The following LARP4B variants were observed in gnomAD, a reference collection of about 807,000 sequenced individuals.
The protein encoded by LARP4B is la-related protein 4B.
Under a neutral mutation model 89.8 loss-of-function variants are expected in LARP4B, and 12 were observed. The observed-to-expected ratio is 0.13, with a 90% CI of 0.09 to 0.22. LARP4B has a LOEUF of 0.22. LARP4B is among the 10% of genes least tolerant of loss of function. The probability of loss-of-function intolerance (pLI) is 1.00; values close to 1 mark genes in which losing one functional copy is unlikely to be tolerated. For synonymous variants in LARP4B, 367 were observed against 363.3 expected, an observed-to-expected ratio of 1.01 and a Z score of -0.12; for missense variants, 757 against 947.7, an observed-to-expected ratio of 0.80 and a Z score of 2.64.
At chr10:910,714 T>C (rs759085300) in intron 1 of LARP4B, among the ~76,000 whole-genome samples, 2 of 152,164 alleles carry the variant, frequency 1.3e-5, no homozygotes, top group Non-Finnish European at 2.9e-5. Flanking sequence ...TGGCAGAGGT[T>C]TGGGATAAAG....
At chr10:927,337 T>G (rs1436884625) in intron 1 of LARP4B, among the ~76,000 whole-genome samples, 1 of 152,176 alleles carries the variant, frequency 6.6e-6, no homozygotes, top group Non-Finnish European at 1.5e-5. Flanking sequence ...GTTAATAATT[T>G]TCCTTGTTCC....
chr10:855,262 T>G (rs117647170), intron 5 of LARP4B, among the ~76,000 whole-genome samples: 3,254 of 152,334 alleles, frequency 0.021, 66 homozygotes, highest in Admixed American at 0.061. Flanking sequence ...TCCTTTGCAT[T>G]TACAGCTTGG....
Position 822,188 on chromosome 10 carries a change from T to A in LARP4B, c.1485-1343A>T, listed in dbSNP as rs1476365473. Among the ~76,000 whole-genome samples the A allele has an allele frequency of 6.6e-6, 1 of 152,234 alleles. No homozygotes were observed. Among genetic ancestry groups the A allele is most frequent in the East Asian group, 1.9e-4 (1 of 5,202 alleles). On this transcript the variant is annotated intron_variant, in intron 13 of 17. Coordinates refer to ENST00000316157, the MANE Select transcript of LARP4B (RefSeq NM_015155.3). This position sits in a 1 kb window ranked among gnomAD's most constrained non-coding sequence, Gnocchi z 4.6. ...AATGACCCATGAGCAGAGCTAGGGA[T>A]GCAACCAGATGAGAGTCTTCAGTGG... is the stretch of plus-strand genomic sequence containing the variant.
At chr10:979,734 G>A in the LARP4B span, among the ~76,000 whole-genome samples, 3 of 152,184 alleles carry the variant, frequency 2.0e-5, no homozygotes, top group Non-Finnish European at 4.4e-5. Flanking sequence ...CACTTTGGGA[G>A]GCTGAGGTGG....
At position 908,862 on chromosome 10, in the gene LARP4B, G is replaced by T. The variant is rs184243535; in HGVS notation, c.-40+22566C>A. Among the ~76,000 whole-genome samples the T allele has an allele frequency of 2.7e-5, 4 of 147,486 alleles. No homozygotes were observed. The East Asian group carries it at 7.7e-4, about 28-fold the overall frequency. ...GTCAAGGAGTGCAGGCTGCAGCACG[G>T]GGGGGGCCTCCCTTGCCAGGTGGTG... On this transcript the variant is annotated intron_variant, in intron 1 of 17. Transcript: ENST00000316157.
intron 5 of LARP4B, among the ~76,000 whole-genome samples, chr10:852,622 T>C (rs992921863): frequency 6.6e-6 from 1 of 152,180 alleles, no homozygotes; most frequent in African/African-American, 2.4e-5. Flanking sequence ...CTGGAGGGCC[T>C]ATCTAGTACA....
the LARP4B span, among the ~76,000 whole-genome samples, chr10:947,404 T>C: frequency 6.6e-6 from 1 of 152,066 alleles, no homozygotes; most frequent in South Asian, 2.1e-4. Context: ...CCACATATTC[T>C]GAGGCCATCA....
chr10:862,256 T>TAAAAAAAAAAAAA (rs10661482), intron 5 of LARP4B, among the ~76,000 whole-genome samples: 7 of 84,396 alleles, frequency 8.3e-5, no homozygotes, highest in African/African-American at 3.6e-4. Flanking sequence ...CCACTGAAGT[T>TAAAAAAAAAAAAA]AAAAAAAAAA....
At chr10:909,396 A>G (rs1446665648) in intron 1 of LARP4B, among the ~76,000 whole-genome samples, 1 of 152,008 alleles carries the variant, frequency 6.6e-6, no homozygotes. Flanking sequence ...TAGGCATTAC[A>G]CCTGCAGACC....
At chr10:948,970 A>C in the LARP4B span, among the ~76,000 whole-genome samples, 106 of 152,364 alleles carry the variant, frequency 7.0e-4, 2 homozygotes, top group Middle Eastern at 0.017. Context: ...GCTGTGTACC[A>C]GTTGTCATGT....
chr10:944,056 CA>C, the LARP4B span, among the ~76,000 whole-genome samples: 4 of 152,104 alleles, frequency 2.6e-5, no homozygotes, highest in Non-Finnish European at 5.9e-5. Context: ...AGAAATGAAC[CA>C]AAGACACCTT....
At chr10:927,596 C>A (rs1382666182) in intron 1 of LARP4B, among the ~76,000 whole-genome samples, 1 of 152,210 alleles carries the variant, frequency 6.6e-6, no homozygotes, top group Non-Finnish European at 1.5e-5. Flanking sequence ...GGTTAACTCT[C>A]TGAGTGCCTC....
chr10:853,117 G>A (rs1834137429), intron 5 of LARP4B, among the ~76,000 whole-genome samples: 1 of 152,096 alleles, frequency 6.6e-6, no homozygotes, highest in South Asian at 2.1e-4. Context: ...AAATACACAG[G>A]AACTGGAATT....
intron 3 of LARP4B, among the ~76,000 whole-genome samples, chr10:881,865 C>T (rs541572232): frequency 4.7e-4 from 72 of 152,328 alleles, no homozygotes; most frequent in African/African-American, 1.6e-3. Flanking sequence ...GTGTATCTCA[C>T]GCTCATCTGA....
At chr10:869,832 T>TGGA (rs779473936) in intron 3 of LARP4B, among the ~76,000 whole-genome samples, 161 of 150,904 alleles carry the variant, frequency 1.1e-3, no homozygotes, top group Non-Finnish European at 1.8e-3. Flanking sequence ...ACTTGGGAGG[T>TGGA]GGAGGTTGCA....
chr10:861,279 T>C (rs557169971), intron 5 of LARP4B, among the ~76,000 whole-genome samples: 1 of 152,184 alleles, frequency 6.6e-6, no homozygotes, highest in Non-Finnish European at 1.5e-5. Context: ...GAACAACTTA[T>C]CAAACTGGGT....
intron 5 of LARP4B, among the ~76,000 whole-genome samples, chr10:846,227 G>C (rs1175717091): frequency 1.3e-5 from 2 of 152,232 alleles, no homozygotes; most frequent in African/African-American, 4.8e-5. Context: ...CACTACTGCA[G>C]GCTCTGTGAA....
rs183910451 is a variant in LARP4B at position 857,610 on chromosome 10, A to G, written c.430+6133T>C. ...GCCGGTCTGAAGACAGGAACCCAAG[A>G]CTTTTTGTTCTGCATACGTCAAGCG... On this transcript the variant is annotated intron_variant, in intron 5 of 17. Coordinates refer to ENST00000316157, the MANE Select transcript of LARP4B (RefSeq NM_015155.3). Among the ~76,000 whole-genome samples, 216 of 152,284 alleles carry G rather than the reference A, an allele frequency of 1.4e-3. 2 individuals are homozygous for G. The highest frequency in any genetic ancestry group is 4.9e-3 in the African/African-American group (204 of 41,546).
the LARP4B span, among the ~76,000 whole-genome samples, chr10:959,771 ATTCCCACCTCCTCG>A: frequency 1.6e-4 from 7 of 42,772 alleles, 1 homozygote; most frequent in East Asian, 1.3e-3. Flanking sequence ...CCTCCCCGTC[ATTCCCACCTCCTCG>A]TCATTCCCAC....
Sources: allele counts gnomAD v4.1 joint callset (sites outside exome capture counted in the v4.1 genomes callset), GRCh38; gene constraint gnomAD v4.1.1; non-coding constraint Gnocchi (gnomAD v3.1); transcripts MANE v1.5; gene names NCBI Gene and HGNC (gene_info 2026-07-23, HGNC 2026-07-21).